The following FYCO1 variants were observed in gnomAD, a reference collection of about 807,000 sequenced individuals.
FYCO1 encodes the protein FYVE and coiled-coil domain-containing protein 1.
Under a neutral mutation model 165.1 loss-of-function variants are expected in FYCO1, and 122 were observed. The observed-to-expected ratio is 0.74, with a 90% CI of 0.64 to 0.86. The LOEUF (loss-of-function observed/expected upper bound fraction) is 0.86. Ranked by LOEUF, FYCO1 falls within the 40% of genes least tolerant of loss-of-function variation. The pLI is 0.00. For synonymous variants in FYCO1, 648 were observed against 742.5 expected (o/e 0.87, Z 2.07); for missense variants, 1,702 against 1,810.3 (o/e 0.94, Z 1.09).
In FYCO1 at chr3:45,967,595, C is replaced by T. The variant is rs1706144723; in HGVS notation, c.1739G>A (p.Ser580Asn). 3.7e-6 allele frequency: 6 copies of T among 1,614,148 alleles called. No homozygotes were observed. The highest frequency in any genetic ancestry group is 1.7e-5 in the Admixed American group (1 of 60,032). The change falls in exon 8 of 18, where the codon AGT becomes AAT. Residue 580 changes from serine to asparagine, a missense_variant. Ser to Asn is a conservative substitution (Grantham distance 46, BLOSUM62 1). Coordinates refer to ENST00000296137, the MANE Select transcript of FYCO1 (RefSeq NM_024513.4). ...KNEALVPVNS[S>N]LQEAWGKPEE... The stretch of plus-strand genomic sequence containing the variant: ...TGGCTTCCCCCAGGCCTCTTGCAGA[C>T]TGGAGTTCACAGGGACCAGGGCCTC...
chr3:45,939,205 GTGCCATCCT>G (rs3052424), intron 14 of FYCO1, among the ~76,000 whole-genome samples: 57,200 of 151,894 alleles, frequency 0.38, 11,657 homozygotes, highest in East Asian at 0.66. Flanking sequence ...CCCTTTGTGG[GTGCCATCCT>G]GGCATTCCTG....
At chr3:45,941,126 C>T (rs967784916) in intron 14 of FYCO1, 3 of 152,198 alleles carry the variant, frequency 2.0e-5, no homozygotes, top group African/African-American at 7.2e-5. Flanking sequence ...CTTCAATGAT[C>T]CTCTCATCTT....
chr3:45,969,846 C>G, intron 6 of FYCO1, 81 bp from the exon 7 acceptor site: 1 of 1,181,122 alleles, frequency 8.5e-7, no homozygotes, highest in Non-Finnish European at 1.2e-6. Context: ...ACTAGGCAAC[C>G]AGGTGGTGGT....
intron 6 of FYCO1, among the ~76,000 whole-genome samples, chr3:45,970,866 A>G (rs1271351013): frequency 1.3e-5 from 2 of 151,464 alleles, no homozygotes; most frequent in African/African-American, 4.8e-5. Context: ...AAATTTTAAA[A>G]CATTTACAAA....
intron 12 of FYCO1, among the ~76,000 whole-genome samples, chr3:45,958,908 A>G (rs1242738397): frequency 2.0e-5 from 3 of 152,180 alleles, no homozygotes; most frequent in Non-Finnish European, 2.9e-5. Flanking sequence ...ATATCTCAGA[A>G]GCTAAGGCTC....
chr3:45,979,900 A>T, intron 3 of FYCO1, 70 bp from the exon 4 acceptor site: 1 of 1,572,728 alleles, frequency 6.4e-7, no homozygotes, highest in Non-Finnish European at 8.7e-7. Context: ...TTAAATGATA[A>T]ATAATAACAA....
At chr3:45,938,311 A>G in intron 14 of FYCO1, 1 of 1,056,258 alleles carries the variant, frequency 9.5e-7, no homozygotes, top group Non-Finnish European at 1.3e-6. Flanking sequence ...AAAGGTGACA[A>G]TTAGGGCAGA....
intron 1 of FYCO1, among the ~76,000 whole-genome samples, chr3:45,995,217 C>A (rs1252354632): frequency 1.3e-5 from 2 of 152,186 alleles, no homozygotes. Context: ...AAAGGATGGG[C>A]CAGGAAGAAA....
At chr3:45,942,076 T>G (rs531612343) in intron 14 of FYCO1, among the ~76,000 whole-genome samples, 1 of 152,370 alleles carries the variant, frequency 6.6e-6, no homozygotes, top group African/African-American at 2.4e-5. Flanking sequence ...CACTCATTTG[T>G]ACCAGTTTGG....
chr3:45,987,252 G>C (rs1707356764), intron 1 of FYCO1, among the ~76,000 whole-genome samples: 1 of 152,182 alleles, frequency 6.6e-6, no homozygotes, highest in Admixed American at 6.5e-5. Flanking sequence ...GACTACAAAG[G>C]AGCACAGGAA....
Position 45,917,909 on chromosome 3 carries a change from T to C in FYCO1, c.*3856A>G, listed in dbSNP as rs1002703628. The C allele has an allele frequency of 5.9e-5, 9 of 152,566 alleles. No homozygotes were observed. Among genetic ancestry groups the C allele is most frequent in the Admixed American group, 2.0e-4 (3 of 15,288 alleles). 9.5% of individuals were successfully genotyped at this position (152,566 alleles called of 1,614,324 possible). A position where few individuals can be genotyped will look rare whatever the true frequency, so the allele number is the denominator to read the frequency against. ...AAAATGAGAGACAAATGTCTAAATG[T>C]CATAGTGTTTACTTTATTTAAATCC... On this transcript the variant is annotated 3_prime_UTR_variant, in exon 18 of 18. Coordinates refer to ENST00000296137, the MANE Select transcript of FYCO1 (RefSeq NM_024513.4). The surrounding 1 kb of genome is among the most constrained non-coding windows in gnomAD (Gnocchi z 4.2).
intron 2 of FYCO1, among the ~76,000 whole-genome samples, chr3:45,984,245 C>T (rs900696076): frequency 1.3e-5 from 2 of 152,212 alleles, no homozygotes; most frequent in African/African-American, 2.4e-5. Flanking sequence ...GAAAATAGTC[C>T]GTTTCTCCTG....
chr3:45,984,381 G>A (rs1206377265), intron 2 of FYCO1, among the ~76,000 whole-genome samples: 4 of 152,240 alleles, frequency 2.6e-5, no homozygotes, highest in Non-Finnish European at 4.4e-5. Flanking sequence ...CAGCAGGACT[G>A]GACCTACAGT....
intron 14 of FYCO1, chr3:45,938,302 A>T (rs968965902): frequency 2.6e-6 from 3 of 1,164,632 alleles, no homozygotes; most frequent in Non-Finnish European, 1.1e-6. Context: ...TGCAGTCTCA[A>T]AGGTGACAAT....
chr3:45,955,162 T>C, intron 14 of FYCO1, 87 bp downstream of exon 14: 1 of 1,456,956 alleles, frequency 6.9e-7, no homozygotes. Flanking sequence ...CTGCTTCCAG[T>C]GTCTCACTTT....
At chr3:45,937,967 C>T (rs1309837249) in intron 14 of FYCO1, among the ~76,000 whole-genome samples, 1 of 152,172 alleles carries the variant, frequency 6.6e-6, no homozygotes, top group Non-Finnish European at 1.5e-5. Flanking sequence ...CCAGAGGAGA[C>T]AGGCCAGGGT....
At chr3:45,927,922 T>C (rs766244783) in intron 16 of FYCO1, among the ~76,000 whole-genome samples, 5 of 152,270 alleles carry the variant, frequency 3.3e-5, no homozygotes, top group Non-Finnish European at 7.3e-5. Context: ...GAAGAGGGCA[T>C]GTTTAACATA....
chr3:45,984,903 G>A lies in FYCO1; in HGVS notation c.8C>T (p.Ser3Phe). 6.2e-7 allele frequency: 1 copy of A among 1,614,150 alleles called. No individual in the cohort carries two copies. The highest frequency in any genetic ancestry group is 1.1e-5 in the South Asian group (1 of 91,080). The change falls in exon 2 of 18, where the codon TCC (serine) becomes TTC (phenylalanine). Residue 3 changes from serine (S) to phenylalanine (F), a missense_variant. Transcript: ENST00000296137. Reference protein sequence around the residue: MASTNAESQLQRI... With the variant: MAFTNAESQLQRI... ...CTGGAGCTGGCTCTCTGCATTGGTG[G>A]AGGCCATGGTGAGTTTGCCTTTCTT...
chr3:45,988,727 C>T (rs1181632437), intron 1 of FYCO1, among the ~76,000 whole-genome samples: 1 of 152,146 alleles, frequency 6.6e-6, no homozygotes, highest in East Asian at 1.9e-4. Context: ...TAAGCCTATC[C>T]AAAATGTCTG....
Sources: gnomAD v4.1 joint callset for allele counts (sites outside exome capture counted in the v4.1 genomes callset) on GRCh38, gnomAD v4.1.1 for gene constraint, Gnocchi (gnomAD v3.1) non-coding constraint, MANE v1.5 for transcripts, NCBI Gene and HGNC (gene_info 2026-07-23, HGNC 2026-07-21) for gene names.